PDE1C: variants seen among roughly 807,000 people sequenced by gnomAD.
PDE1C encodes the protein phosphodiesterase 1C.
Under a neutral mutation model 93.1 loss-of-function variants are expected in PDE1C, and 62 were observed. The ratio of observed to expected loss-of-function variants is 0.67; its 90% CI spans 0.54 to 0.82. The LOEUF (loss-of-function observed/expected upper bound fraction) is 0.82, where lower values mean the gene tolerates loss of function less well. Ranked by LOEUF, PDE1C falls within the 40% of genes least tolerant of loss-of-function variation. The probability of loss-of-function intolerance (pLI) is 0.00; values close to 1 mark genes in which losing one functional copy is unlikely to be tolerated. For synonymous variants in PDE1C, 325 were observed against 310.1 expected, an observed-to-expected ratio of 1.05 and a Z score of -0.50; for missense variants, 742 against 884.6, an observed-to-expected ratio of 0.84 and a Z score of 2.04.
At chr7:32,274,907 T>A (rs1333548278) in intron 1 of PDE1C, among the ~76,000 whole-genome samples, 2 of 152,260 alleles carry the variant, frequency 1.3e-5, no homozygotes, top group African/African-American at 4.8e-5. Flanking sequence ...ATGCATATAA[T>A]GTTTTTAAGT....
rs149444555 is a variant in PDE1C at position 31,901,546 on chromosome 7, A to T, written c.129-20686T>A. Among the ~76,000 whole-genome samples the T allele has an allele frequency of 9.1e-3, 1,373 of 151,350 alleles. 19 individuals are homozygous for T. Among genetic ancestry groups the T allele is most frequent in the African/African-American group, 0.031 (1,294 of 41,550 alleles). ...GATGGAAAAGCTTACCATTTTAAAG[A>T]TATAAATTTCTCCTCAAATTAAATT... On this transcript the variant is annotated intron_variant, in intron 2 of 17. Coordinates refer to ENST00000396191, the MANE Select transcript of PDE1C (RefSeq NM_001191057.4).
intron 2 of PDE1C, among the ~76,000 whole-genome samples, chr7:31,958,103 T>C (rs1052326898): frequency 1.3e-5 from 2 of 152,204 alleles, no homozygotes; most frequent in African/African-American, 4.8e-5. Flanking sequence ...ACATAAAAAA[T>C]GTTTTTTCAT....
intron 1 of PDE1C, among the ~76,000 whole-genome samples, chr7:32,213,693 G>A (rs1041377044): frequency 2.6e-5 from 4 of 152,156 alleles, no homozygotes; most frequent in South Asian, 2.1e-4. Context: ...TAGATGTTCC[G>A]TTTATCAGGT....
At chr7:32,042,325 A>G (rs1441870312) in intron 2 of PDE1C, among the ~76,000 whole-genome samples, 1 of 152,106 alleles carries the variant, frequency 6.6e-6, no homozygotes, top group African/African-American at 2.4e-5. Flanking sequence ...CAGAAAACAG[A>G]CAAAAAAAAC....
intron 16 of PDE1C, chr7:31,784,637 G>C (rs528317425): frequency 1.3e-5 from 2 of 152,198 alleles, no homozygotes; most frequent in African/African-American, 4.8e-5. Context: ...AAAACATAAA[G>C]GAGAGTTTGA....
chr7:32,357,168 T>A (rs565323845), intron 1 of PDE1C, among the ~76,000 whole-genome samples: 1 of 151,986 alleles, frequency 6.6e-6, no homozygotes, highest in Admixed American at 6.6e-5. Context: ...CCGTCTCTAA[T>A]AAAAATACAA....
intron 1 of PDE1C, among the ~76,000 whole-genome samples, chr7:32,327,457 A>G (rs1783424602): frequency 6.6e-6 from 1 of 152,174 alleles, no homozygotes; most frequent in Non-Finnish European, 1.5e-5. Context: ...CTGGGTTTCT[A>G]TCACCATGGA....
chr7:31,897,782 G>A (rs548659439), intron 2 of PDE1C, among the ~76,000 whole-genome samples: 13 of 152,048 alleles, frequency 8.5e-5, no homozygotes, highest in Non-Finnish European at 1.8e-4. Context: ...AATCTCCAAC[G>A]CTCATTAATT....
intron 1 of PDE1C, among the ~76,000 whole-genome samples, chr7:32,291,621 C>T (rs1812331072): frequency 6.6e-6 from 1 of 152,234 alleles, no homozygotes; most frequent in African/African-American, 2.4e-5. Flanking sequence ...GCTGTATACA[C>T]AAAGCCTAGT....
chr7:31,823,293 G>A, intron 13 of PDE1C, 45 bp from the exon 14 acceptor site: 1 of 1,536,192 alleles, frequency 6.5e-7, no homozygotes, highest in East Asian at 2.3e-5. Flanking sequence ...TTAGTGTTTG[G>A]AAAATGTCTG....
At chr7:32,282,353 G>T (rs1034126714) in intron 1 of PDE1C, among the ~76,000 whole-genome samples, 5 of 151,644 alleles carry the variant, frequency 3.3e-5, no homozygotes, top group East Asian at 2.0e-4. Flanking sequence ...GCACCTGCCT[G>T]CAATCCCAGC....
At chr7:31,711,731 C>A in the PDE1C span, among the ~76,000 whole-genome samples, 2 of 152,008 alleles carry the variant, frequency 1.3e-5, no homozygotes, top group Non-Finnish European at 2.9e-5. Context: ...TGTCTTCCCT[C>A]GCCCCACTCC....
intron 1 of PDE1C, among the ~76,000 whole-genome samples, chr7:32,278,729 A>G (rs189787905): frequency 1.3e-5 from 2 of 152,376 alleles, no homozygotes; most frequent in Admixed American, 1.3e-4. Flanking sequence ...GTAATTTTTC[A>G]TGTATCTGCC....
intron 1 of PDE1C, among the ~76,000 whole-genome samples, chr7:32,214,279 T>G (rs1172290340): frequency 6.6e-6 from 1 of 152,154 alleles, no homozygotes; most frequent in African/African-American, 2.4e-5. Flanking sequence ...ATCACAGAAT[T>G]CAAGGCACCT....
chr7:32,218,405 C>G (rs1266808173), intron 1 of PDE1C, among the ~76,000 whole-genome samples: 1 of 152,234 alleles, frequency 6.6e-6, no homozygotes, highest in African/African-American at 2.4e-5. Context: ...CCAGACCCTT[C>G]TCTCCTAGAG....
At chr7:31,892,879 A>G (rs1349162416) in intron 2 of PDE1C, among the ~76,000 whole-genome samples, 2 of 152,158 alleles carry the variant, frequency 1.3e-5, no homozygotes, top group Non-Finnish European at 2.9e-5. Flanking sequence ...ATAATATATT[A>G]TGTATTTCAA....
chr7:31,946,053 T>C (rs1806561653), intron 2 of PDE1C, among the ~76,000 whole-genome samples: 1 of 152,204 alleles, frequency 6.6e-6, no homozygotes, highest in Non-Finnish European at 1.5e-5. Flanking sequence ...CTGCTTACAT[T>C]GCCCATCTAT....
At chr7:32,292,101 T>G (rs901368503) in intron 1 of PDE1C, among the ~76,000 whole-genome samples, 1 of 152,222 alleles carries the variant, frequency 6.6e-6, no homozygotes, top group Non-Finnish European at 1.5e-5. Context: ...TGCCAGGCCC[T>G]GTGCTAGAAG....
chr7:32,060,143 A>T (rs1056087032), intron 1 of PDE1C, among the ~76,000 whole-genome samples: 1 of 152,208 alleles, frequency 6.6e-6, no homozygotes, highest in Non-Finnish European at 1.5e-5. Context: ...GGTTTTTTCT[A>T]ATTGAATTAT....
Sources: allele counts gnomAD v4.1 joint callset (sites outside exome capture counted in the v4.1 genomes callset), GRCh38; gene constraint gnomAD v4.1.1; transcripts MANE v1.5; gene names NCBI Gene and HGNC (gene_info 2026-07-23, HGNC 2026-07-21).